Variants in SEMA6D observed in about 807,000 individuals in gnomAD.
SEMA6D encodes semaphorin 6D.
SEMA6D carries 35 observed loss-of-function variants against 106.6 expected under a neutral mutation model. That is an observed-to-expected ratio of 0.33 (90% CI 0.25 to 0.44). The LOEUF (loss-of-function observed/expected upper bound fraction) is 0.44, where lower values mean the gene tolerates loss of function less well. SEMA6D is among the 20% of genes least tolerant of loss of function. SEMA6D has a pLI of 1.00. For synonymous variants in SEMA6D, 499 were observed against 487.7 expected, an observed-to-expected ratio of 1.02 and a Z score of -0.31; for missense variants, 1,185 against 1,345.9, an observed-to-expected ratio of 0.88 and a Z score of 1.87.
At chr15:47,437,046 G>A (rs1455943610) in intron 2 of SEMA6D, among the ~76,000 whole-genome samples, 1 of 137,378 alleles carries the variant, frequency 7.3e-6, no homozygotes, top group Non-Finnish European at 1.6e-5. Context: ...GGTAGGGAGG[G>A]GAGGGGATGG....
At chr15:47,538,499 A>G (rs753961812) in intron 3 of SEMA6D, among the ~76,000 whole-genome samples, 71 of 152,304 alleles carry the variant, frequency 4.7e-4, no homozygotes, top group Middle Eastern at 3.4e-3. Context: ...TACTAATATT[A>G]GAATATATCA....
At chr15:47,274,606 CAG>C (rs2034713671) in intron 1 of SEMA6D, among the ~76,000 whole-genome samples, 1 of 152,070 alleles carries the variant, frequency 6.6e-6, no homozygotes, top group African/African-American at 2.4e-5. Flanking sequence ...GAAAAGAAAA[CAG>C]AGGAGAAATT....
intron 4 of SEMA6D, among the ~76,000 whole-genome samples, chr15:47,622,300 A>G (rs1176520716): frequency 6.6e-6 from 1 of 152,084 alleles, no homozygotes; most frequent in Non-Finnish European, 1.5e-5. Context: ...AACAGTAACC[A>G]AAGTTCAGCT....
intron 1 of SEMA6D, among the ~76,000 whole-genome samples, chr15:47,402,689 T>C (rs781290515): frequency 1.1e-4 from 16 of 151,846 alleles, no homozygotes; most frequent in Admixed American, 6.6e-5. Context: ...ATTATTATAC[T>C]GTCATTTGTT....
chr15:47,340,785 A>G (rs1373069869), intron 1 of SEMA6D, among the ~76,000 whole-genome samples: 4 of 152,166 alleles, frequency 2.6e-5, no homozygotes, highest in Non-Finnish European at 4.4e-5. Context: ...TCGAATAGAT[A>G]GAGAAATACC....
At chr15:47,242,199 G>A (rs763738419) in intron 1 of SEMA6D, among the ~76,000 whole-genome samples, 1 of 152,094 alleles carries the variant, frequency 6.6e-6, no homozygotes, top group Admixed American at 6.6e-5. Context: ...ATATTTACAA[G>A]GGATTACTAT....
intron 4 of SEMA6D, among the ~76,000 whole-genome samples, chr15:47,645,511 T>TTTC (rs904331592): frequency 2.6e-5 from 4 of 152,032 alleles, no homozygotes; most frequent in East Asian, 1.9e-4. Flanking sequence ...GAGTTTTTTT[T>TTTC]TTCTTCTTCT....
intron 1 of SEMA6D, among the ~76,000 whole-genome samples, chr15:47,337,530 T>TATTG (rs2037616447): frequency 6.6e-6 from 1 of 152,066 alleles, no homozygotes; most frequent in African/African-American, 2.4e-5. Context: ...AAACAGAATA[T>TATTG]ATTGCATGGA....
At chr15:47,604,866 A>ATTTT (rs56218960) in intron 4 of SEMA6D, among the ~76,000 whole-genome samples, 70,856 of 143,830 alleles carry the variant, frequency 0.49, 18,527 homozygotes, top group South Asian at 0.59. Context: ...TGCCTGGCTA[A>ATTTT]TTTTTTTTTT....
chr15:47,533,130 G>A (rs2045032224), intron 3 of SEMA6D, among the ~76,000 whole-genome samples: 1 of 152,170 alleles, frequency 6.6e-6, no homozygotes, highest in South Asian at 2.1e-4. Context: ...GAAGTCTTTG[G>A]TGCCTAAAGT....
At chr15:47,361,822 A>C (rs1312187655) in intron 1 of SEMA6D, among the ~76,000 whole-genome samples, 1 of 151,716 alleles carries the variant, frequency 6.6e-6, no homozygotes, top group African/African-American at 2.4e-5. Context: ...TGTTCTCTTT[A>C]TTTGTAAAAA....
chr15:47,393,541 G>A (rs1381356734), intron 1 of SEMA6D: 1 of 152,170 alleles, frequency 6.6e-6, no homozygotes, highest in African/African-American at 2.4e-5. Flanking sequence ...AAAGGCCATG[G>A]CAGTTACAAA....
At chr15:47,343,272 A>ATTATTATTATTATTATTATTATTG (rs1016166275) in intron 1 of SEMA6D, among the ~76,000 whole-genome samples, 4 of 150,440 alleles carry the variant, frequency 2.7e-5, no homozygotes, top group African/African-American at 7.4e-5. Flanking sequence ...TATTATTATT[A>ATTATTATTATTATTATTATTATTG]TACTTTAAGT....
At chr15:47,236,235 A>G (rs1389419464) in intron 1 of SEMA6D, among the ~76,000 whole-genome samples, 1 of 152,060 alleles carries the variant, frequency 6.6e-6, no homozygotes, top group Non-Finnish European at 1.5e-5. Context: ...TTTCTGTAAC[A>G]TCTGGGAATT....
At chr15:47,677,319 C>T (rs1176266658) in intron 4 of SEMA6D, among the ~76,000 whole-genome samples, 1 of 152,162 alleles carries the variant, frequency 6.6e-6, no homozygotes, top group Non-Finnish European at 1.5e-5. Context: ...TGTATATGGC[C>T]TCTCCATGTG....
chr15:47,748,134 C>T (rs2081245803), intron 1 of SEMA6D, among the ~76,000 whole-genome samples: 1 of 152,208 alleles, frequency 6.6e-6, no homozygotes, highest in Admixed American at 6.5e-5. Flanking sequence ...AAAGAGGCAT[C>T]TGTTGCCTTT....
intron 2 of SEMA6D, among the ~76,000 whole-genome samples, chr15:47,447,854 C>T (rs2042073301): frequency 6.6e-6 from 1 of 152,112 alleles, no homozygotes. Context: ...GAAGCTACCT[C>T]CAGGTGGACA....
rs2042315805 is a variant in SEMA6D, at chr15:47,455,328, AAAC to A, written c.-158-15142_-158-15140del. On this transcript the variant is annotated intron_variant, in intron 2 of 19. Coordinates refer to the SEMA6D transcript ENST00000558014. Reference sequence around the variant, plus strand: ...ATACAAGATTCAATAGTTAAAATTCAAACAACTTGTAGCAATATCCAGATTCAT... The same window carrying A: ...ATACAAGATTCAATAGTTAAAATTCAAACTTGTAGCAATATCCAGATTCAT... 3.3e-5 allele frequency among the ~76,000 whole-genome samples: 5 copies of A among 152,090 alleles called. No homozygotes were observed. In the South Asian group the frequency reaches 1.0e-3, roughly 32 times the overall value.
intron 1 of SEMA6D, among the ~76,000 whole-genome samples, chr15:47,282,790 G>A (rs2035187064): frequency 6.6e-6 from 1 of 152,038 alleles, no homozygotes; most frequent in African/African-American, 2.4e-5. Flanking sequence ...TCTTTCCTTT[G>A]TCATTGTTCC....
Sources: gnomAD v4.1 joint callset for allele counts (sites outside exome capture counted in the v4.1 genomes callset) on GRCh38, gnomAD v4.1.1 for gene constraint, MANE v1.5 for transcripts, NCBI Gene and HGNC (gene_info 2026-07-23, HGNC 2026-07-21) for gene names.